WDR27: variants seen among roughly 807,000 people sequenced by gnomAD.
WDR27 encodes the protein WD repeat-containing protein 27.
Under a neutral mutation model 114.4 loss-of-function variants are expected in WDR27, and 100 were observed. That is an observed-to-expected ratio of 0.87 (90% confidence interval 0.74 to 1.03). The LOEUF (loss-of-function observed/expected upper bound fraction) is 1.03. Ranked by LOEUF, WDR27 falls within the 50% of genes least tolerant of loss-of-function variation. The pLI is 0.00. For synonymous variants in WDR27, 449 were observed against 423.1 expected, an observed-to-expected ratio of 1.06 and a Z score of -0.75; for missense variants, 1,129 against 1,092.9, an observed-to-expected ratio of 1.03 and a Z score of -0.47.
chr6:169,487,004 G>A (rs919316416), intron 25 of WDR27, among the ~76,000 whole-genome samples: 5 of 152,288 alleles, frequency 3.3e-5, no homozygotes, highest in East Asian at 1.9e-4. Context: ...CATGGGTACT[G>A]GAGGGCAGCA....
intron 2 of WDR27, among the ~76,000 whole-genome samples, chr6:169,687,292 G>T (rs2128295938): frequency 6.6e-6 from 1 of 151,834 alleles, no homozygotes; most frequent in South Asian, 2.1e-4. Context: ...AAATTAAATT[G>T]CCATATGATT....
Position 169,664,210 on chromosome 6 carries a change from G to A in WDR27, c.860C>T (p.Thr287Ile). 6.2e-7 allele frequency: 1 copy of A among 1,612,320 alleles called. No homozygotes were observed. Among genetic ancestry groups the A allele is most frequent in the South Asian group, 1.1e-5 (1 of 90,790 alleles). The stretch of plus-strand genomic sequence containing the variant: ...AGACTTAACCCTTCTTGTGGAGAAA[G>A]TCTCTGTCTTCTTCCTTAGGTCAAC... ...ARVDLRKKTE[T>I]FSTRRVKSGL... Residue 287 changes from threonine to isoleucine, a missense_variant, in exon 8 of 26, where the codon ACT (threonine) becomes ATT (isoleucine). By Grantham distance (89) the Thr-to-Ile change is moderately conservative (BLOSUM62 -1). Transcript: ENST00000448612.
At chr6:169,652,232 TTTG>T (rs1385703812) in intron 13 of WDR27, among the ~76,000 whole-genome samples, 4 of 152,234 alleles carry the variant, frequency 2.6e-5, no homozygotes, top group African/African-American at 7.2e-5. Context: ...AGTTGGTTGT[TTTG>T]TTGTTGTTGT....
intron 23 of WDR27, among the ~76,000 whole-genome samples, chr6:169,593,982 GATTTACTTT>G (rs1806285117): frequency 6.6e-6 from 1 of 152,008 alleles, no homozygotes; most frequent in Admixed American, 6.6e-5. Flanking sequence ...TATTTCTTCT[GATTTACTTT>G]GTTGTTCCCT....
chr6:169,520,648 G>A (rs1429954457), intron 25 of WDR27, among the ~76,000 whole-genome samples: 2 of 151,808 alleles, frequency 1.3e-5, no homozygotes, highest in Non-Finnish European at 2.9e-5. Flanking sequence ...GATCTTCAAG[G>A]TAACACAGAA....
intron 16 of WDR27, among the ~76,000 whole-genome samples, chr6:169,644,121 A>C (rs950477620): frequency 2.0e-5 from 3 of 150,410 alleles, no homozygotes; most frequent in Admixed American, 6.6e-5. Context: ...CACAGGAGTC[A>C]CACTGTTGAA....
rs779476541 is a variant in WDR27, at chr6:169,664,229, G to A, written c.841C>T (p.Leu281=). ...GAGAAAGTCTCTGTCTTCTTCCTTA[G>A]GTCAACCCGTGCCACACGACGATAA... ...HHYRRVARVD[L]RKKTETFSTR... The change falls in exon 8 of 26, where the codon CTA becomes TTA. Residue 281 remains leucine (L), a synonymous_variant. Coordinates refer to ENST00000448612, the MANE Select transcript of WDR27 (RefSeq NM_182552.5). 3 of 1,613,526 alleles carry A rather than the reference G, an allele frequency of 1.9e-6. No individual in the cohort carries two copies. In the South Asian group the frequency reaches 3.3e-5, roughly 18 times the overall value.
intron 25 of WDR27, among the ~76,000 whole-genome samples, chr6:169,525,558 A>T (rs1486361220): frequency 6.6e-6 from 1 of 150,722 alleles, no homozygotes; most frequent in Non-Finnish European, 1.5e-5. Flanking sequence ...AAGAAAAAAG[A>T]AAAAAAAAGC....
chr6:169,581,743 G>A (rs73790036), intron 24 of WDR27, among the ~76,000 whole-genome samples: 24,493 of 152,206 alleles, frequency 0.16, 2,180 homozygotes, highest in African/African-American at 0.22. Flanking sequence ...AATATACAGC[G>A]GTAGTACCGC....
At chr6:169,515,347 T>C (rs1312089019) in intron 25 of WDR27, among the ~76,000 whole-genome samples, 1 of 152,194 alleles carries the variant, frequency 6.6e-6, no homozygotes, top group Non-Finnish European at 1.5e-5. Flanking sequence ...GCTTTAGGAA[T>C]GTGTGCCTTT....
chr6:169,428,052 C>T, the WDR27 span, among the ~76,000 whole-genome samples: 1 of 152,222 alleles, frequency 6.6e-6, no homozygotes, highest in Non-Finnish European at 1.5e-5. Context: ...CCCGTCTCCA[C>T]TTTCAATCTC....
intron 1 of WDR27, among the ~76,000 whole-genome samples, chr6:169,694,521 G>A (rs1488695553): frequency 1.3e-5 from 2 of 152,176 alleles, no homozygotes; most frequent in African/African-American, 4.8e-5. Context: ...AATATGAAAT[G>A]TAGCAACGGT....
intron 25 of WDR27, among the ~76,000 whole-genome samples, chr6:169,459,600 A>C (rs546983738): frequency 7.9e-4 from 120 of 152,040 alleles, no homozygotes; most frequent in African/African-American, 2.7e-3. Flanking sequence ...AAGTTCAATA[A>C]ATTCCAACTA....
intron 2 of WDR27, among the ~76,000 whole-genome samples, chr6:169,681,058 A>T (rs1224309222): frequency 6.6e-6 from 1 of 152,238 alleles, no homozygotes; most frequent in Non-Finnish European, 1.5e-5. Flanking sequence ...CCTAACTGAC[A>T]TTTATAAAAC....
intron 25 of WDR27, among the ~76,000 whole-genome samples, chr6:169,571,743 T>C (rs947698977): frequency 6.6e-6 from 1 of 152,006 alleles, no homozygotes; most frequent in Non-Finnish European, 1.5e-5. Flanking sequence ...GAAGCTGAGG[T>C]GGGAGCATCA....
rs1788161369 is a variant in WDR27 at position 169,701,839 on chromosome 6, T to TGCGCCCTAGGCAC, written c.-309_-297dup. Reference sequence around the variant, plus strand: ...CCGCGCAGCCCCCGCGCTCCAGCCCTGCGCCCTAGGCACACGCCCCAGAGC... The same window carrying TGCGCCCTAGGCAC: ...CCGCGCAGCCCCCGCGCTCCAGCCCTGCGCCCTAGGCACGCGCCCTAGGCACACGCCCCAGAGC... On this transcript the variant is annotated 5_prime_UTR_variant, in exon 1 of 26. Transcript: ENST00000448612. 1 of 313,360 alleles carries TGCGCCCTAGGCAC rather than the reference T, an allele frequency of 3.2e-6. No individual in the cohort carries two copies. Among genetic ancestry groups the TGCGCCCTAGGCAC allele is most frequent in the Non-Finnish European group, 6.2e-6 (1 of 161,550 alleles). 19.4% of individuals were successfully genotyped at this position (313,360 alleles called of 1,614,324 possible).
In WDR27 at chr6:169,562,322, A is replaced by G. The variant is rs946327410; in HGVS notation, c.2645+10097T>C. ...TATTTCCTCTATCCATGTGGTATTA[A>G]ATTGGAAATCAATAAGAGTTGAAGA... On this transcript the variant is annotated intron_variant, in intron 25 of 25. Transcript: ENST00000448612. 3.9e-5 allele frequency among the ~76,000 whole-genome samples: 6 copies of G among 152,264 alleles called. No individual in the cohort carries two copies. The South Asian group carries it at 1.2e-3, about 32-fold the overall frequency.
chr6:169,579,831 A>C (rs1038177355), intron 24 of WDR27, among the ~76,000 whole-genome samples: 2 of 152,188 alleles, frequency 1.3e-5, no homozygotes, highest in African/African-American at 4.8e-5. Flanking sequence ...TTGCTCGAAA[A>C]AACCTGCTCT....
At chr6:169,685,300 C>T (rs1183302272) in intron 2 of WDR27, among the ~76,000 whole-genome samples, 1 of 148,926 alleles carries the variant, frequency 6.7e-6, no homozygotes, top group African/African-American at 2.5e-5. Context: ...ACAACAACAA[C>T]AAAAAGTCAC....
Sources: allele counts gnomAD v4.1 joint callset (sites outside exome capture counted in the v4.1 genomes callset), GRCh38; gene constraint gnomAD v4.1.1; transcripts MANE v1.5; gene names NCBI Gene and HGNC (gene_info 2026-07-23, HGNC 2026-07-21).